PIKFYVE: variants seen among roughly 807,000 people sequenced by gnomAD.
The protein encoded by PIKFYVE is phosphoinositide kinase, FYVE-type zinc finger containing, also known as 1-phosphatidylinositol 3-phosphate 5-kinase.
Under a neutral mutation model 257.9 loss-of-function variants are expected in PIKFYVE, and 122 were observed. The ratio of observed to expected loss-of-function variants is 0.47; its 90% CI spans 0.41 to 0.55. The LOEUF is 0.55. Among genes scored for constraint, PIKFYVE ranks in the 20% least tolerant of loss-of-function variants. The pLI is 0.00. For missense variants in PIKFYVE, 2,160 were observed against 2,536.6 expected (o/e 0.85, Z 3.19); for synonymous variants, 892 against 868.9 (o/e 1.03, Z -0.47).
chr2:208,339,926 C>T (rs1251502757), intron 30 of PIKFYVE, 85 bp from the exon 31 acceptor site: 6 of 1,473,798 alleles, frequency 4.1e-6, no homozygotes, highest in Admixed American at 1.8e-5. Flanking sequence ...GTCCATATTC[C>T]GAAAGGAAAA....
chr2:208,276,591 C>G (rs1690137005), intron 3 of PIKFYVE, 121 bp from the exon 4 acceptor site: 5 of 784,432 alleles, frequency 6.4e-6, no homozygotes, highest in Non-Finnish European at 1.2e-5. Context: ...ATTCATATAA[C>G]CGGGTGGGAG....
At chr2:208,311,096 T>C (rs1694887154) in intron 12 of PIKFYVE, among the ~76,000 whole-genome samples, 1 of 152,204 alleles carries the variant, frequency 6.6e-6, no homozygotes, top group Non-Finnish European at 1.5e-5. Flanking sequence ...GTGGATGGTA[T>C]ACAGCATTTT....
intron 32 of PIKFYVE, among the ~76,000 whole-genome samples, chr2:208,344,598 A>G (rs1574732844): frequency 6.6e-6 from 1 of 152,050 alleles, no homozygotes; most frequent in Non-Finnish European, 1.5e-5. Context: ...TAGAAAAACA[A>G]TACATCCTAA....
At chr2:208,275,744 G>A (rs1690024403) in intron 3 of PIKFYVE, among the ~76,000 whole-genome samples, 1 of 152,118 alleles carries the variant, frequency 6.6e-6, no homozygotes, top group South Asian at 2.1e-4. Flanking sequence ...TGGTGAGTTT[G>A]AGGAAGATTC....
Position 208,355,766 on chromosome 2 carries a change from G to C in PIKFYVE, c.*461G>C, listed in dbSNP as rs73983763. The C allele has an allele frequency of 6.5e-6, 1 of 153,426 alleles. No homozygotes were observed. Among genetic ancestry groups the C allele is most frequent in the African/African-American group, 2.4e-5 (1 of 41,576 alleles). The allele number at this position is 153,426 out of a possible 1,614,324, so 9.5% of individuals were successfully genotyped here. A position where few individuals can be genotyped will look rare whatever the true frequency, so the allele number is the denominator to read the frequency against. On this transcript the variant is annotated 3_prime_UTR_variant, in exon 42 of 42. Coordinates refer to ENST00000264380, the MANE Select transcript of PIKFYVE (RefSeq NM_015040.4). ...AATAATTTAATGTTACTTATTATCA[G>C]AATTTCTGAAACCTTTACAAAAATT...
chr2:208,351,450 C>G lies in PIKFYVE; in HGVS notation c.5710C>G (p.Gln1904Glu). 1 of 1,605,440 alleles carries G rather than the reference C, an allele frequency of 6.2e-7. No homozygotes were observed. Residue 1904 changes from glutamine (Q) to glutamate (E), a missense_variant, in exon 38 of 42, where the codon CAA becomes GAA. Gln to Glu is a conservative substitution (Grantham distance 29, BLOSUM62 2). Transcript: ENST00000264380. ...CAATTATATTACAAATGCTGTTCAA[C>G]AAAAGGTAGAAATCTAAAACCATGG... ...YFNYITNAVQ[Q>E]KRPTALAKIL...
chr2:208,267,027 G>T (rs201164525), intron 1 of PIKFYVE, among the ~76,000 whole-genome samples: 1 of 152,186 alleles, frequency 6.6e-6, no homozygotes, highest in East Asian at 1.9e-4. Context: ...GGACTTAGGG[G>T]TTTTCTGCCC....
At chr2:208,285,525 A>G (rs1001588744) in intron 5 of PIKFYVE, among the ~76,000 whole-genome samples, 3 of 152,170 alleles carry the variant, frequency 2.0e-5, no homozygotes, top group East Asian at 3.8e-4. Context: ...AGAATTCAAA[A>G]TGGCCCTTAA....
intron 33 of PIKFYVE, among the ~76,000 whole-genome samples, chr2:208,345,429 G>T (rs968079841): frequency 1.3e-5 from 2 of 152,124 alleles, no homozygotes; most frequent in East Asian, 3.9e-4. Context: ...AATGTATATT[G>T]CAGATTTAAG....
Position 208,294,095 on chromosome 2 carries a change from ATTG to A in PIKFYVE, c.912-4543_912-4541del, listed in dbSNP as rs1331025566. Among the ~76,000 whole-genome samples, 9 of 152,032 alleles carry A rather than the reference ATTG, an allele frequency of 5.9e-5. No individual in the cohort carries two copies. In the East Asian group the frequency reaches 1.5e-3, roughly 26 times the overall value. On this transcript the variant is annotated intron_variant, in intron 7 of 41. Coordinates refer to ENST00000264380, the MANE Select transcript of PIKFYVE (RefSeq NM_015040.4). The stretch of plus-strand genomic sequence containing the variant: ...TGTAGTTGTCCCACATTTCTTGGAT[ATTG>A]TTTGTTCAGTCTTTTTTCTATTTGC...
At chr2:208,291,407 G>C (rs1366018785) in intron 7 of PIKFYVE, among the ~76,000 whole-genome samples, 1 of 152,006 alleles carries the variant, frequency 6.6e-6, no homozygotes, top group African/African-American at 2.4e-5. Flanking sequence ...TTACTGTTTT[G>C]TTGAGGATAA....
At chr2:208,287,754 C>A (rs1438668891) in intron 6 of PIKFYVE, among the ~76,000 whole-genome samples, 4 of 151,988 alleles carry the variant, frequency 2.6e-5, no homozygotes, top group Non-Finnish European at 5.9e-5. Context: ...GTGTGTGCCA[C>A]CATGCCCGGC....
At chr2:208,306,789 T>TTTCTTC (rs60806991) in intron 12 of PIKFYVE, among the ~76,000 whole-genome samples, 4 of 145,564 alleles carry the variant, frequency 2.7e-5, no homozygotes, top group Non-Finnish European at 6.0e-5. Context: ...TTTTTTTTTT[T>TTTCTTC]TTCTAAGAGA....
chr2:208,338,262 T>C (rs879537969), intron 28 of PIKFYVE, among the ~76,000 whole-genome samples: 4 of 152,146 alleles, frequency 2.6e-5, no homozygotes, highest in Non-Finnish European at 4.4e-5. Flanking sequence ...TTACTTATAT[T>C]AATGGGTTTA....
At chr2:208,328,032 T>A in intron 20 of PIKFYVE, 148 bp from the exon 21 acceptor site, 1 of 1,457,258 alleles carries the variant, frequency 6.9e-7, no homozygotes, top group Non-Finnish European at 9.2e-7. Context: ...TGCCCTTCCT[T>A]ATATTTAGTT....
Position 208,330,694 on chromosome 2 carries a change from G to A in PIKFYVE, c.3963G>A (p.Gln1321=), listed in dbSNP as rs766318958. 1.2e-6 allele frequency: 2 copies of A among 1,612,156 alleles called. No homozygotes were observed. The highest frequency in any genetic ancestry group is 1.1e-5 in the South Asian group (1 of 91,024). The stretch of plus-strand genomic sequence containing the variant: ...ATTCCTGGTGTAGAATCTGCAAACA[G>A]GTAAATAGACCCTATTACTATATTT... ...LTYSWCRICK[Q]VTPVVALSNE... The change falls in exon 23 of 42, where the codon CAG becomes CAA. Residue 1321 remains glutamine (Q), a splice_region_variant and synonymous_variant. Coordinates refer to ENST00000264380, the MANE Select transcript of PIKFYVE (RefSeq NM_015040.4).
intron 38 of PIKFYVE, 138 bp from the exon 39 acceptor site, chr2:208,352,516 G>A: frequency 3.3e-6 from 3 of 898,286 alleles, no homozygotes; most frequent in Non-Finnish European, 3.3e-6. Context: ...AGATTCAAGA[G>A]TTTGAGTTTT....
In PIKFYVE at chr2:208,342,662, G is replaced by C; in HGVS notation, c.5027+13G>C. On this transcript the variant is annotated intron_variant, in intron 32 of 41. Transcript: ENST00000264380. The stretch of plus-strand genomic sequence containing the variant: ...CTTTTGCTCTCAGGTATTATTCATG[G>C]GACTTTGACTTATGATGATATCTAT... 1 of 1,575,578 alleles carries C rather than the reference G, an allele frequency of 6.3e-7. No homozygotes were observed. Among genetic ancestry groups the C allele is most frequent in the Non-Finnish European group, 8.7e-7 (1 of 1,145,052 alleles).
intron 30 of PIKFYVE, 139 bp downstream of exon 30, chr2:208,339,694 T>G (rs1307167400): frequency 8.2e-6 from 10 of 1,219,248 alleles, no homozygotes; most frequent in Non-Finnish European, 1.2e-5. Flanking sequence ...GCTTTCTGTT[T>G]AGGTGGTAAC....
Sources: gnomAD v4.1 joint callset for allele counts (sites outside exome capture counted in the v4.1 genomes callset) on GRCh38, gnomAD v4.1.1 for gene constraint, MANE v1.5 for transcripts, NCBI Gene and HGNC (gene_info 2026-07-23, HGNC 2026-07-21) for gene names.